Variants in GNB1L observed in about 807,000 individuals in gnomAD.
GNB1L encodes the protein guanine nucleotide-binding protein subunit beta-like protein 1.
A neutral mutation model predicts 29.1 loss-of-function variants in GNB1L; 20 were observed. The ratio of observed to expected loss-of-function variants is 0.69; its 90% CI spans 0.48 to 1.00. The LOEUF is 1.00. Ranked by LOEUF, GNB1L falls within the 50% of genes least tolerant of loss-of-function variation. The probability of loss-of-function intolerance (pLI) is 0.00; values close to 1 mark genes in which losing one functional copy is unlikely to be tolerated. For synonymous variants in GNB1L, 193 were observed against 206.5 expected (o/e 0.93, Z 0.56); for missense variants, 421 against 464.9 (o/e 0.91, Z 0.87).
At chr22:19,851,590 T>A in intron 2 of GNB1L, 1 of 1,600,788 alleles carries the variant, frequency 6.2e-7, no homozygotes, top group Non-Finnish European at 8.5e-7. Flanking sequence ...CCATGTCGAG[T>A]GCCAGGCCCT....
chr22:19,790,957 C>G (rs1937246774), intron 7 of GNB1L, among the ~76,000 whole-genome samples: 1 of 152,048 alleles, frequency 6.6e-6, no homozygotes, highest in Admixed American at 6.6e-5. Flanking sequence ...GAGTACAATT[C>G]CCAATGAAGA....
intron 2 of GNB1L, chr22:19,851,117 C>G: frequency 6.5e-7 from 1 of 1,528,948 alleles, no homozygotes. Flanking sequence ...GCTCAAGCCA[C>G]ACAGGCCACT....
Position 19,850,075 on chromosome 22 carries a change from C to T in GNB1L, c.-21+4368G>A, listed in dbSNP as rs577727594. On this transcript the variant is annotated intron_variant, in intron 2 of 7. Coordinates refer to ENST00000329517, the MANE Select transcript of GNB1L (RefSeq NM_053004.3). ...TACCTGCAGAGCCACCCACCCCCTA[C>T]TCAGCCCCACCCAGCTTCTTTGATC... 5.1e-6 allele frequency: 5 copies of T among 982,478 alleles called. No homozygotes were observed. In the African/African-American group the frequency reaches 7.0e-5, roughly 14 times the overall value. The allele number at this position is 982,478 out of a possible 1,614,324, so 60.9% of individuals were successfully genotyped here. A position where few individuals can be genotyped will look rare whatever the true frequency, so the allele number is the denominator to read the frequency against.
rs749106756 is a variant in GNB1L at position 19,802,040 on chromosome 22, C to T, written c.693G>A (p.Ala231=). 3.1e-6 allele frequency: 5 copies of T among 1,606,498 alleles called. No homozygotes were observed. The highest frequency in any genetic ancestry group is 2.2e-5 in the East Asian group (1 of 44,496). The change falls in exon 7 of 8, where the codon GCG becomes GCA. Residue 231 remains alanine, a synonymous_variant. Coordinates refer to ENST00000329517, the MANE Select transcript of GNB1L (RefSeq NM_053004.3). ...GCCAGTCCAGGCTCCAGACAGCCAG[C>T]GCCTTCCCCGCGGAGCCTGAGATGC... ...ARGISGSAGK[A]LAVWSLDWQQ... is the part of the protein sequence containing the mutation.
intron 2 of GNB1L, 76 bp from the exon 3 acceptor site, chr22:19,821,451 G>T: frequency 1.4e-6 from 2 of 1,423,810 alleles, no homozygotes; most frequent in South Asian, 2.5e-5. Context: ...AGGCACAGGG[G>T]TGCTTGAGAT....
chr22:19,824,693 G>A (rs1157369715), intron 2 of GNB1L, among the ~76,000 whole-genome samples: 1 of 152,218 alleles, frequency 6.6e-6, no homozygotes, highest in Non-Finnish European at 1.5e-5. Flanking sequence ...CTGGGTGTGG[G>A]GACCAGCGGG....
chr22:19,852,556 G>A (rs766110604), intron 2 of GNB1L: 2 of 383,906 alleles, frequency 5.2e-6, no homozygotes, highest in South Asian at 1.1e-4. Context: ...GGTGGGAAGA[G>A]GCTACAAGCG....
At chr22:19,852,226 G>A (rs757389399) in intron 2 of GNB1L, 16 of 1,612,274 alleles carry the variant, frequency 9.9e-6, no homozygotes, top group Admixed American at 1.7e-5. Context: ...AGATGGGAAT[G>A]CGAGGGCCCT....
chr22:19,814,542 G>A (rs1937517943), intron 4 of GNB1L, among the ~76,000 whole-genome samples: 2 of 152,188 alleles, frequency 1.3e-5, no homozygotes, highest in South Asian at 4.1e-4. Flanking sequence ...GTGGAGTCAG[G>A]CAGACACTTC....
At chr22:19,849,904 G>C (rs998717574) in intron 2 of GNB1L, 20 of 985,380 alleles carry the variant, frequency 2.0e-5, no homozygotes, top group Non-Finnish European at 2.4e-5. Flanking sequence ...TTGGCTCCAG[G>C]AGCTTCCAAG....
intron 7 of GNB1L, among the ~76,000 whole-genome samples, chr22:19,791,283 T>C (rs531800211): frequency 6.6e-6 from 1 of 152,298 alleles, no homozygotes; most frequent in East Asian, 1.9e-4. Flanking sequence ...TAAACTGACA[T>C]ATCATCCATA....
At chr22:19,799,895 A>G (rs1453669970) in intron 7 of GNB1L, among the ~76,000 whole-genome samples, 3 of 152,212 alleles carry the variant, frequency 2.0e-5, no homozygotes, top group Admixed American at 6.5e-5. Flanking sequence ...AAGATGTGAC[A>G]TTGGGCAGAG....
At chr22:19,799,953 G>T (rs547349116) in intron 7 of GNB1L, among the ~76,000 whole-genome samples, 2 of 152,166 alleles carry the variant, frequency 1.3e-5, no homozygotes, top group African/African-American at 4.8e-5. Context: ...TCCTGGAGTC[G>T]CCTGTCCCCT....
Position 19,788,182 on chromosome 22 carries a change from T to A in GNB1L, c.*527A>T, listed in dbSNP as rs1937208483. 1.4e-5 allele frequency: 3 copies of A among 219,090 alleles called. No individual in the cohort carries two copies. The South Asian group carries it at 3.0e-4, about 22-fold the overall frequency. 13.6% of individuals were successfully genotyped at this position (219,090 alleles called of 1,614,324 possible). A position where few individuals can be genotyped will look rare whatever the true frequency, so the allele number is the denominator to read the frequency against. On this transcript the variant is annotated 3_prime_UTR_variant, in exon 8 of 8. Coordinates refer to ENST00000329517, the MANE Select transcript of GNB1L (RefSeq NM_053004.3). ...ATCCTGATCCTGGCCTCAACCTGTG[T>A]GTTGGGAGCTCCTGGCCTCCTCGGG...
At chr22:19,797,451 T>C (rs1937319589) in intron 7 of GNB1L, among the ~76,000 whole-genome samples, 1 of 152,154 alleles carries the variant, frequency 6.6e-6, no homozygotes, top group African/African-American at 2.4e-5. Flanking sequence ...AACAATGCAA[T>C]GAACAGATTC....
intron 1 of GNB1L, 58 bp downstream of exon 1, chr22:19,854,762 C>T (rs13057910): frequency 0.049 from 7,407 of 152,466 alleles, 194 homozygotes; most frequent in Non-Finnish European, 0.063. Flanking sequence ...GGGCGCAGCT[C>T]CAGGCCCGCG....
chr22:19,844,905 G>A (rs1230194329), intron 2 of GNB1L, among the ~76,000 whole-genome samples: 2 of 152,236 alleles, frequency 1.3e-5, no homozygotes, highest in African/African-American at 4.8e-5. Flanking sequence ...CCTGGTTCAT[G>A]TAGGCCAGCT....
At chr22:19,838,170 A>G (rs948759826) in intron 2 of GNB1L, among the ~76,000 whole-genome samples, 11 of 152,394 alleles carry the variant, frequency 7.2e-5, no homozygotes, top group African/African-American at 2.6e-4. Flanking sequence ...AAGAGCAACT[A>G]AACAATCCAA....
chr22:19,789,655 C>T (rs928338564), intron 7 of GNB1L, among the ~76,000 whole-genome samples: 20 of 151,962 alleles, frequency 1.3e-4, no homozygotes, highest in African/African-American at 4.1e-4. Context: ...CCTACGTGCA[C>T]GGGGCCGTCG....
Sources: allele counts gnomAD v4.1 joint callset (sites outside exome capture counted in the v4.1 genomes callset), GRCh38; gene constraint gnomAD v4.1.1; transcripts MANE v1.5; gene names NCBI Gene and HGNC (gene_info 2026-07-23, HGNC 2026-07-21).